TRIM44: variants seen among roughly 807,000 people sequenced by gnomAD.
The protein encoded by TRIM44 is tripartite motif containing 44, also known as tripartite motif-containing protein 44.
Under a neutral mutation model 37.4 loss-of-function variants are expected in TRIM44, and 13 were observed. The observed-to-expected ratio is 0.35, with a 90% CI of 0.23 to 0.55. The LOEUF is 0.55. TRIM44 is among the 20% of genes least tolerant of loss of function. The pLI is 0.89. For missense variants in TRIM44, 426 were observed against 437.2 expected (o/e 0.97, Z 0.23); for synonymous variants, 175 against 157.2 (o/e 1.11, Z -0.85).
intron 4 of TRIM44, among the ~76,000 whole-genome samples, chr11:35,763,659 G>A (rs1163782660): frequency 6.6e-6 from 1 of 152,204 alleles, no homozygotes; most frequent in East Asian, 1.9e-4. Context: ...ACTACTGGGA[G>A]TGGTGCTATT....
At chr11:35,775,813 A>T (rs1195104778) in intron 4 of TRIM44, among the ~76,000 whole-genome samples, 1 of 152,180 alleles carries the variant, frequency 6.6e-6, no homozygotes, top group Non-Finnish European at 1.5e-5. Flanking sequence ...CATCCCAGGG[A>T]TGAAGCCCAC....
intron 4 of TRIM44, among the ~76,000 whole-genome samples, chr11:35,758,842 G>T (rs1185949960): frequency 1.3e-5 from 2 of 152,178 alleles, no homozygotes; most frequent in Admixed American, 6.5e-5. Flanking sequence ...CTCTCTTCTG[G>T]CTTGTAGAGT....
At chr11:35,780,802 A>G (rs989740114) in intron 4 of TRIM44, among the ~76,000 whole-genome samples, 1 of 147,624 alleles carries the variant, frequency 6.8e-6, no homozygotes, top group Non-Finnish European at 1.5e-5. Flanking sequence ...TAAGGCAATC[A>G]AAATGGATCG....
At chr11:35,780,010 C>G (rs980108744) in intron 4 of TRIM44, among the ~76,000 whole-genome samples, 8 of 151,806 alleles carry the variant, frequency 5.3e-5, no homozygotes, top group Admixed American at 1.3e-4. Context: ...TTACTATAGC[C>G]TTATAGTATA....
At chr11:35,746,446 C>CTTTTTTTTT (rs5791065) in intron 4 of TRIM44, among the ~76,000 whole-genome samples, 23 of 93,184 alleles carry the variant, frequency 2.5e-4, no homozygotes, top group South Asian at 8.9e-4. Flanking sequence ...GGGGGTCCTT[C>CTTTTTTTTT]TTTTTTTTTT....
chr11:35,791,574 C>G (rs796336166), intron 4 of TRIM44, among the ~76,000 whole-genome samples: 2 of 152,266 alleles, frequency 1.3e-5, no homozygotes, highest in African/African-American at 4.8e-5. Context: ...ACTGGACCAT[C>G]GCACATTTTA....
intron 4 of TRIM44, among the ~76,000 whole-genome samples, chr11:35,801,699 C>T (rs1432591646): frequency 6.6e-6 from 1 of 152,148 alleles, no homozygotes; most frequent in African/African-American, 2.4e-5. Flanking sequence ...ACAGGCACCA[C>T]ATCAGACAGT....
At chr11:35,759,349 A>G (rs916570429) in intron 4 of TRIM44, among the ~76,000 whole-genome samples, 5 of 152,180 alleles carry the variant, frequency 3.3e-5, no homozygotes, top group Non-Finnish European at 7.3e-5. Flanking sequence ...TTTCAGCTCC[A>G]TCAGGTCCTT....
intron 4 of TRIM44, among the ~76,000 whole-genome samples, chr11:35,767,972 A>C (rs774991771): frequency 3.9e-5 from 6 of 152,202 alleles, no homozygotes; most frequent in Non-Finnish European, 7.3e-5. Context: ...ACTTCTTTCT[A>C]AAACCACGGT....
intron 2 of TRIM44, among the ~76,000 whole-genome samples, chr11:35,691,209 AG>A (rs1191093563): frequency 6.6e-6 from 1 of 152,226 alleles, no homozygotes; most frequent in Admixed American, 6.5e-5. Flanking sequence ...CGATTAGTGA[AG>A]GACACTAAAT....
intron 4 of TRIM44, among the ~76,000 whole-genome samples, chr11:35,775,066 G>A (rs181649194): frequency 0.011 from 1,657 of 152,198 alleles, 34 homozygotes; most frequent in African/African-American, 0.038. Context: ...GGGCAGTATG[G>A]CCATTTTCAT....
At chr11:35,789,520 C>G (rs1241650733) in intron 4 of TRIM44, among the ~76,000 whole-genome samples, 1 of 152,106 alleles carries the variant, frequency 6.6e-6, no homozygotes, top group African/African-American at 2.4e-5. Flanking sequence ...AAACTGGGAC[C>G]CAGTGGAATA....
chr11:35,746,578 T>C (rs1449959056), intron 4 of TRIM44, among the ~76,000 whole-genome samples: 1 of 151,998 alleles, frequency 6.6e-6, no homozygotes, highest in Non-Finnish European at 1.5e-5. Flanking sequence ...TGTTTGTTTG[T>C]TTTCTTTCCT....
At chr11:35,761,524 T>G (rs1223087460) in intron 4 of TRIM44, among the ~76,000 whole-genome samples, 2 of 152,164 alleles carry the variant, frequency 1.3e-5, no homozygotes, top group Non-Finnish European at 2.9e-5. Context: ...TAATACTGAT[T>G]GAGGGCCTAC....
At position 35,789,046 on chromosome 11, in the gene TRIM44, G is replaced by T. The variant is rs1303662883; in HGVS notation, c.1008-17312G>T. On this transcript the variant is annotated intron_variant, in intron 4 of 4. Coordinates refer to ENST00000299413, the MANE Select transcript of TRIM44 (RefSeq NM_017583.6). ...TCTCACAGCAAATATTTTTTAATTT[G>T]AAAACAACTCTCAAAAGAATTCTCT... Among the ~76,000 whole-genome samples, 3 of 152,076 alleles carry T rather than the reference G, an allele frequency of 2.0e-5. No individual in the cohort carries two copies. In the East Asian group the frequency reaches 5.8e-4, roughly 29 times the overall value.
chr11:35,697,133 A>G (rs1252472859), intron 2 of TRIM44, among the ~76,000 whole-genome samples: 2 of 151,782 alleles, frequency 1.3e-5, no homozygotes, highest in African/African-American at 4.8e-5. Flanking sequence ...TTACATATGT[A>G]TACATGTGCC....
intron 4 of TRIM44, among the ~76,000 whole-genome samples, chr11:35,774,243 C>T (rs545619169): frequency 1.8e-4 from 27 of 152,176 alleles, no homozygotes; most frequent in East Asian, 7.7e-4. Flanking sequence ...CATTTTTTCA[C>T]GTGTCTGTTG....
intron 4 of TRIM44, among the ~76,000 whole-genome samples, chr11:35,776,528 T>C (rs1852965176): frequency 1.3e-5 from 2 of 152,130 alleles, no homozygotes; most frequent in Admixed American, 6.6e-5. Flanking sequence ...TCTTGCTTCT[T>C]TACTTCTTTT....
rs530802353 is a variant in TRIM44 at position 35,806,451 on chromosome 11, C to T, written c.*66C>T. On this transcript the variant is annotated 3_prime_UTR_variant, in exon 5 of 5. Coordinates refer to ENST00000299413, the MANE Select transcript of TRIM44 (RefSeq NM_017583.6). ...TGTGTATGTGACAGCGTGTATGTAA[C>T]GGCTTCTGATTTCTGTGAAAGCTGC... The T allele has an allele frequency of 1.0e-5, 16 of 1,570,882 alleles. No individual in the cohort carries two copies. The Admixed American group carries it at 1.3e-4, about 13-fold the overall frequency.
Sources: gnomAD v4.1 joint callset for allele counts (sites outside exome capture counted in the v4.1 genomes callset) on GRCh38, gnomAD v4.1.1 for gene constraint, MANE v1.5 for transcripts, NCBI Gene and HGNC (gene_info 2026-07-23, HGNC 2026-07-21) for gene names.